The following MTOR variants were observed in gnomAD, a reference collection of about 807,000 sequenced individuals.
MTOR encodes serine/threonine-protein kinase mTOR.
Under a neutral mutation model 319.8 loss-of-function variants are expected in MTOR, and 70 were observed. That is an observed-to-expected ratio of 0.22 (90% confidence interval 0.18 to 0.27). The LOEUF is 0.27. Ranked by LOEUF, MTOR falls within the 10% of genes least tolerant of loss-of-function variation. MTOR has a pLI of 1.00. For missense variants in MTOR, 1,890 were observed against 3,274.4 expected, an observed-to-expected ratio of 0.58 and a Z score of 10.32; for synonymous variants, 1,183 against 1,211.4, an observed-to-expected ratio of 0.98 and a Z score of 0.49.
intron 28 of MTOR, among the ~76,000 whole-genome samples, chr1:11,173,511 G>A (rs1571067761): frequency 6.6e-6 from 1 of 151,890 alleles, no homozygotes. Flanking sequence ...TCGAACTCCT[G>A]AGCTCAAGTG....
At chr1:11,257,220 G>A (rs1650513106) in intron 3 of MTOR, 55 bp from the exon 4 acceptor site, 34 of 1,458,068 alleles carry the variant, frequency 2.3e-5, no homozygotes, top group Non-Finnish European at 2.9e-5. Flanking sequence ...GGCCAGGAAA[G>A]TACGCAGACT....
rs1338991240 is a variant in MTOR at position 11,118,101 on chromosome 1, T to A, written c.6934-1015A>T. 2.6e-5 allele frequency among the ~76,000 whole-genome samples: 4 copies of A among 151,104 alleles called. 1 individual carries two copies. In the East Asian group the frequency reaches 5.9e-4, roughly 22 times the overall value. On this transcript the variant is annotated intron_variant, in intron 49 of 57. Transcript: ENST00000361445. ...TCTCAAAAAATAAAATTAAAAAAAATTCAGTGTTCAATAAAAACAAAATCT... is the reference window on the plus strand; with the variant it reads ...TCTCAAAAAATAAAATTAAAAAAAAATCAGTGTTCAATAAAAACAAAATCT...
intron 18 of MTOR, among the ~76,000 whole-genome samples, chr1:11,229,646 A>C (rs1291940127): frequency 6.6e-6 from 1 of 152,200 alleles, no homozygotes; most frequent in African/African-American, 2.4e-5. Flanking sequence ...GTTCAGAAAC[A>C]ATTTATTTTG....
Position 11,133,710 on chromosome 1 carries a change from T to C in MTOR, c.5247-513A>G, listed in dbSNP as rs144496620. Among the ~76,000 whole-genome samples, 1 of 152,332 alleles carries C rather than the reference T, an allele frequency of 6.6e-6. No individual in the cohort carries two copies. The highest frequency in any genetic ancestry group is 2.4e-5 in the African/African-American group (1 of 41,570). Reference sequence around the variant, plus strand: ...AAATAGAAACTGTTACTATCCCTTTTATATTGGTAACTGAGGCATAGAGAG... The same window carrying C: ...AAATAGAAACTGTTACTATCCCTTTCATATTGGTAACTGAGGCATAGAGAG... On this transcript the variant is annotated intron_variant, in intron 37 of 57. Transcript: ENST00000361445. This position sits in a 1 kb window ranked among gnomAD's most constrained non-coding sequence, Gnocchi z 4.0.
At chr1:11,229,499 A>G (rs1237149302) in intron 18 of MTOR, among the ~76,000 whole-genome samples, 1 of 152,198 alleles carries the variant, frequency 6.6e-6, no homozygotes, top group African/African-American at 2.4e-5. Flanking sequence ...GGTGCCATGA[A>G]TAAGGAAGAA....
intron 51 of MTOR, 62 bp from the exon 52 acceptor site, chr1:11,114,949 G>A (rs1642086036): frequency 4.8e-6 from 7 of 1,464,972 alleles, no homozygotes; most frequent in East Asian, 2.3e-5. Context: ...GGAGCCAGGT[G>A]GAGCAGGTGG....
rs754297170 is a variant in MTOR, at chr1:11,247,833, C to T, written c.1102G>A (p.Glu368Lys). The change falls in exon 7 of 58, where the codon GAG becomes AAG. Residue 368 changes from glutamate to lysine, a missense_variant. This residue lies in a region of MTOR where 418 missense variants were observed against 543.1 expected (regional missense o/e 0.77). Transcript: ENST00000361445. ...TCACCACTTACCTGATCAAATTTCT[C>T]CTCCATCAAGTCTCTGCAACACCGG... Reference protein sequence around the residue: ...ESRCCRDLMEEKFDQVCQWVL... With the variant: ...ESRCCRDLMEKKFDQVCQWVL... 2 of 1,613,158 alleles carry T rather than the reference C, an allele frequency of 1.2e-6. No homozygotes were observed. The highest frequency in any genetic ancestry group is 2.2e-5 in the South Asian group (2 of 91,032).
chr1:11,201,914 C>T (rs1398455683), intron 26 of MTOR, among the ~76,000 whole-genome samples: 1 of 152,074 alleles, frequency 6.6e-6, no homozygotes, highest in East Asian at 1.9e-4. Context: ...CTCAAGTAAT[C>T]CCCCCGCCTT....
chr1:11,148,274 C>T (rs1002962783), intron 31 of MTOR, among the ~76,000 whole-genome samples: 2 of 152,116 alleles, frequency 1.3e-5, no homozygotes, highest in African/African-American at 4.8e-5. Flanking sequence ...AGTCTGGAAA[C>T]GCCTACCTCT....
At chr1:11,232,973 C>T in intron 15 of MTOR, 1 of 826,484 alleles carries the variant, frequency 1.2e-6, no homozygotes, top group Non-Finnish European at 2.1e-6. Flanking sequence ...ATTCTTCTCA[C>T]AAGACTTTCA....
At chr1:11,162,691 A>C (rs1051006386) in intron 29 of MTOR, among the ~76,000 whole-genome samples, 1 of 152,224 alleles carries the variant, frequency 6.6e-6, no homozygotes. Flanking sequence ...ACTAAGCTTC[A>C]TAAGTGAAGG....
In MTOR at chr1:11,194,484, C is replaced by T. The variant is rs771348183; in HGVS notation, c.4253+4774G>A. On this transcript the variant is annotated intron_variant, in intron 28 of 57. Coordinates refer to ENST00000361445, the MANE Select transcript of MTOR (RefSeq NM_004958.4). ...AGGACTGGGAGGGCAACCTGCGCTA[C>T]GCTGAGTATAGCCACTTTGTTTTGG... 15 of 1,614,170 alleles carry T rather than the reference C, an allele frequency of 9.3e-6. No homozygotes were observed. The highest frequency in any genetic ancestry group is 1.7e-4 in the Middle Eastern group (1 of 6,012).
chr1:11,231,975 C>T (rs117044214), intron 16 of MTOR, among the ~76,000 whole-genome samples: 2,961 of 152,198 alleles, frequency 0.019, 57 homozygotes, highest in East Asian at 0.055. Context: ...GCCTCAGCCT[C>T]CCAAAGTGCT....
At chr1:11,225,552 G>C (rs907425135) in intron 19 of MTOR, among the ~76,000 whole-genome samples, 3 of 151,768 alleles carry the variant, frequency 2.0e-5, no homozygotes, top group Non-Finnish European at 2.9e-5. Context: ...CTCTTGAGTA[G>C]CTGGGATTAC....
At chr1:11,225,813 A>T (rs1043221764) in intron 19 of MTOR, among the ~76,000 whole-genome samples, 1 of 152,180 alleles carries the variant, frequency 6.6e-6, no homozygotes, top group Non-Finnish European at 1.5e-5. Context: ...AAAAGATCTT[A>T]AAAAAATTAA....
intron 1 of MTOR, 41 bp from the exon 2 acceptor site, chr1:11,259,464 T>C: frequency 1.1e-5 from 16 of 1,498,468 alleles, no homozygotes; most frequent in Non-Finnish European, 1.4e-5. Flanking sequence ...GATAAGAAAG[T>C]ATGATGATAA....
intron 47 of MTOR, among the ~76,000 whole-genome samples, chr1:11,123,912 T>A (rs1642677586): frequency 6.6e-6 from 1 of 151,972 alleles, no homozygotes; most frequent in South Asian, 2.1e-4. Flanking sequence ...CTCAGCCTCC[T>A]GAGTAGCCGG....
rs200613150 is a variant in MTOR, at chr1:11,167,411, C to A, written c.4329+31G>T. 4.4e-6 allele frequency: 7 copies of A among 1,589,064 alleles called. No individual in the cohort carries two copies. In the Admixed American group the frequency reaches 1.2e-4, roughly 27 times the overall value. On this transcript the variant is annotated intron_variant, in intron 29 of 57. Transcript: ENST00000361445. The stretch of plus-strand genomic sequence containing the variant: ...TAACTCCCTAGCCAAGTCTCTACCT[C>A]CTGCTTTTCCAAAAAGAATGAGGTG...
At chr1:11,211,878 C>G (rs1178511546) in intron 23 of MTOR, among the ~76,000 whole-genome samples, 1 of 152,136 alleles carries the variant, frequency 6.6e-6, no homozygotes, top group East Asian at 1.9e-4. Flanking sequence ...AGCAAGCTGC[C>G]ACCTCAACCT....
Sources: allele counts gnomAD v4.1 joint callset (sites outside exome capture counted in the v4.1 genomes callset), GRCh38; gene constraint gnomAD v4.1.1; regional missense constraint gnomAD v4.1.1; non-coding constraint Gnocchi (gnomAD v3.1); transcripts MANE v1.5; gene names NCBI Gene and HGNC (gene_info 2026-07-23, HGNC 2026-07-21).